Variants in NTRK2 observed in about 807,000 individuals in gnomAD.
NTRK2 encodes the protein BDNF/NT-3 growth factors receptor.
In NTRK2, 13 loss-of-function variants were observed where a neutral mutation model predicts 94.5. The ratio of observed to expected loss-of-function variants is 0.14; its 90% CI spans 0.09 to 0.22. NTRK2 has a LOEUF of 0.22. Ranked by LOEUF, NTRK2 falls within the 10% of genes least tolerant of loss-of-function variation. NTRK2 has a pLI of 1.00. For missense variants in NTRK2, 639 were observed against 1,071.2 expected (o/e 0.60, Z 5.63); for synonymous variants, 372 against 407.4 (o/e 0.91, Z 1.05).
At chr9:84,768,213 G>C (rs914886968) in intron 12 of NTRK2, among the ~76,000 whole-genome samples, 4 of 152,208 alleles carry the variant, frequency 2.6e-5, no homozygotes, top group African/African-American at 9.6e-5. Flanking sequence ...AGTCTAATCA[G>C]ATTCAGAATT....
Position 84,860,385 on chromosome 9 carries a change from A to T in NTRK2, c.1397-655A>T, listed in dbSNP as rs75022652. 4.6e-3 allele frequency among the ~76,000 whole-genome samples: 706 copies of T among 152,268 alleles called. 13 individuals are homozygous for T. The highest frequency in any genetic ancestry group is 0.038 in the Admixed American group (574 of 15,286). The stretch of plus-strand genomic sequence containing the variant: ...TACTGGACCTTGTGTTCTAAGAGGC[A>T]CAGAACAGCTGTACACAGCCCAGTG... On this transcript the variant is annotated intron_variant, in intron 12 of 18. Coordinates refer to ENST00000277120, the MANE Select transcript of NTRK2 (RefSeq NM_006180.6).
At chr9:84,845,557 A>C (rs764812646) in intron 12 of NTRK2, among the ~76,000 whole-genome samples, 9 of 152,136 alleles carry the variant, frequency 5.9e-5, no homozygotes, top group African/African-American at 9.7e-5. Flanking sequence ...AATGATAAGT[A>C]TAAATATATG....
intron 8 of NTRK2, 137 bp downstream of exon 8, chr9:84,724,493 A>G: frequency 1.0e-6 from 1 of 973,448 alleles, no homozygotes. Flanking sequence ...CTCTATTAAG[A>G]AACATTATCA....
intron 13 of NTRK2, among the ~76,000 whole-genome samples, chr9:84,864,109 G>T (rs1246110217): frequency 6.6e-6 from 1 of 152,186 alleles, no homozygotes; most frequent in Non-Finnish European, 1.5e-5. Context: ...GGAATCTCAA[G>T]TTGTCTTCTA....
chr9:84,993,266 C>T (rs1829322568), intron 17 of NTRK2, among the ~76,000 whole-genome samples: 1 of 152,192 alleles, frequency 6.6e-6, no homozygotes, highest in African/African-American at 2.4e-5. Flanking sequence ...CTCACAAATG[C>T]ACACCTCTGG....
At chr9:84,672,241 A>T (rs1564017811) in intron 2 of NTRK2, among the ~76,000 whole-genome samples, 1 of 152,178 alleles carries the variant, frequency 6.6e-6, no homozygotes. Flanking sequence ...AGCCTCAGGC[A>T]AAAGGAAATG....
intron 14 of NTRK2, among the ~76,000 whole-genome samples, chr9:84,899,137 G>T (rs1231603914): frequency 6.6e-6 from 1 of 152,168 alleles, no homozygotes; most frequent in Non-Finnish European, 1.5e-5. Context: ...CTAACATACA[G>T]CTCCTCTTAG....
chr9:84,976,931 CT>C (rs1826940945), intron 17 of NTRK2, among the ~76,000 whole-genome samples: 1 of 152,210 alleles, frequency 6.6e-6, no homozygotes, highest in Admixed American at 6.5e-5. Flanking sequence ...TATTCTCTTG[CT>C]TCCTGTGTGT....
intron 15 of NTRK2, among the ~76,000 whole-genome samples, chr9:84,942,990 G>A (rs150513447): frequency 2.1e-4 from 32 of 152,216 alleles, no homozygotes; most frequent in African/African-American, 5.8e-4. Flanking sequence ...TTGGTTGACT[G>A]GTTTGGGAGT....
rs1261726188 is a variant in NTRK2 at position 85,021,516 on chromosome 9, G to A, written c.*79G>A. ...GGATGAACATCTTTTAACTGCCGCT[G>A]GAGGCCACCAAGCTGCTCTCCTTCA... is the stretch of plus-strand genomic sequence containing the variant. On this transcript the variant is annotated 3_prime_UTR_variant, in exon 19 of 19. Coordinates refer to ENST00000277120, the MANE Select transcript of NTRK2 (RefSeq NM_006180.6). 1 of 1,402,554 alleles carries A rather than the reference G, an allele frequency of 7.1e-7. No individual in the cohort carries two copies. Among genetic ancestry groups the A allele is most frequent in the East Asian group, 2.3e-5 (1 of 43,836 alleles). The allele number at this position is 1,402,554 out of a possible 1,614,324, so 86.9% of individuals were successfully genotyped here. A position where few individuals can be genotyped will look rare whatever the true frequency, so the allele number is the denominator to read the frequency against.
chr9:84,944,264 C>CTT (rs1209056623), intron 15 of NTRK2, among the ~76,000 whole-genome samples: 3 of 127,056 alleles, frequency 2.4e-5, no homozygotes, highest in African/African-American at 2.9e-5. Context: ...GTCTAGCATT[C>CTT]TTTTTTTTTT....
chr9:84,826,154 C>T (rs1484331836), intron 12 of NTRK2, among the ~76,000 whole-genome samples: 2 of 152,178 alleles, frequency 1.3e-5, no homozygotes, highest in African/African-American at 2.4e-5. Context: ...TGATGGTTTA[C>T]AACAACAGAA....
chr9:84,739,656 C>T (rs896384806), intron 9 of NTRK2, among the ~76,000 whole-genome samples: 7 of 152,154 alleles, frequency 4.6e-5, no homozygotes, highest in African/African-American at 4.8e-5. Flanking sequence ...ACAGGCCCTT[C>T]TCTCACATGC....
At chr9:84,761,857 A>T (rs915526875) in intron 12 of NTRK2, among the ~76,000 whole-genome samples, 1 of 152,142 alleles carries the variant, frequency 6.6e-6, no homozygotes, top group Non-Finnish European at 1.5e-5. Context: ...GCATCTTGTC[A>T]GAGTGATATG....
chr9:84,914,749 G>C (rs2077344303), intron 14 of NTRK2, among the ~76,000 whole-genome samples: 1 of 152,124 alleles, frequency 6.6e-6, no homozygotes, highest in Admixed American at 6.5e-5. Context: ...GTGCCCACTG[G>C]CATTTTCAGG....
chr9:84,892,154 A>T (rs1315942923), intron 14 of NTRK2, among the ~76,000 whole-genome samples: 2 of 152,234 alleles, frequency 1.3e-5, no homozygotes, highest in Non-Finnish European at 2.9e-5. Context: ...TCTGCAAATT[A>T]TCCAAAAGAC....
chr9:84,837,248 G>C (rs1204356314), intron 12 of NTRK2, among the ~76,000 whole-genome samples: 1 of 152,060 alleles, frequency 6.6e-6, no homozygotes, highest in African/African-American at 2.4e-5. Context: ...TCTGAGAGAA[G>C]TTAAGTGACC....
intron 12 of NTRK2, among the ~76,000 whole-genome samples, chr9:84,830,070 C>T (rs905977893): frequency 2.6e-5 from 4 of 152,176 alleles, no homozygotes; most frequent in African/African-American, 9.7e-5. Context: ...CATCTATCAC[C>T]TATCATCTCG....
intron 2 of NTRK2, among the ~76,000 whole-genome samples, chr9:84,671,935 G>A (rs1207144790): frequency 2.6e-5 from 4 of 152,102 alleles, no homozygotes; most frequent in Non-Finnish European, 5.9e-5. Flanking sequence ...TTTCCTGAAG[G>A]ATGCTGTCAT....
Sources: allele counts gnomAD v4.1 joint callset (sites outside exome capture counted in the v4.1 genomes callset), GRCh38; gene constraint gnomAD v4.1.1; transcripts MANE v1.5; gene names NCBI Gene and HGNC (gene_info 2026-07-23, HGNC 2026-07-21).